Variants in CACNB2 observed in about 807,000 individuals in gnomAD.
The protein encoded by CACNB2 is voltage-dependent L-type calcium channel subunit beta-2.
In CACNB2, 42 loss-of-function variants were observed where a neutral mutation model predicts 73.3. The ratio of observed to expected loss-of-function variants is 0.57; its 90% CI spans 0.45 to 0.74. CACNB2 has a LOEUF of 0.74. CACNB2 is among the 30% of genes least tolerant of loss of function. The pLI is 0.00. For synonymous variants in CACNB2, 348 were observed against 310.3 expected (o/e 1.12, Z -1.28); for missense variants, 940 against 853.0 (o/e 1.10, Z -1.27).
intron 2 of CACNB2, among the ~76,000 whole-genome samples, chr10:18,369,684 A>C (rs759803227): frequency 6.6e-6 from 1 of 152,156 alleles, no homozygotes; most frequent in Non-Finnish European, 1.5e-5. Flanking sequence ...AGGCAGGCAG[A>C]TCACCTGAGA....
intron 2 of CACNB2, among the ~76,000 whole-genome samples, chr10:18,340,076 A>G (rs2041169230): frequency 6.6e-6 from 1 of 152,152 alleles, no homozygotes; most frequent in African/African-American, 2.4e-5. Flanking sequence ...TTATCTATTC[A>G]CGTCTTGTTT....
intron 2 of CACNB2, among the ~76,000 whole-genome samples, chr10:18,371,417 C>G (rs2042578492): frequency 6.6e-6 from 1 of 151,982 alleles, no homozygotes. Context: ...TCCATGTGTT[C>G]TCATTGTTCA....
chr10:18,355,735 C>G (rs1282650185), intron 2 of CACNB2, among the ~76,000 whole-genome samples: 1 of 150,850 alleles, frequency 6.6e-6, no homozygotes, highest in Non-Finnish European at 1.5e-5. Flanking sequence ...CTCCTGGGTT[C>G]AAGCAATTCT....
At chr10:18,262,059 T>A (rs1461549485) in intron 2 of CACNB2, 1 of 518,084 alleles carries the variant, frequency 1.9e-6, no homozygotes, top group Non-Finnish European at 3.9e-6. Context: ...TCAGGAAGGG[T>A]TGTAAAAGGG....
At chr10:18,478,241 A>G (rs987096291) in intron 3 of CACNB2, among the ~76,000 whole-genome samples, 1 of 151,976 alleles carries the variant, frequency 6.6e-6, no homozygotes, top group Non-Finnish European at 1.5e-5. Flanking sequence ...CGGAGTTTTT[A>G]TTTTCCTTTT....
At chr10:18,265,470 C>A (rs2037754410) in intron 2 of CACNB2, among the ~76,000 whole-genome samples, 1 of 152,080 alleles carries the variant, frequency 6.6e-6, no homozygotes, top group African/African-American at 2.4e-5. Flanking sequence ...GTTCAAGTAT[C>A]TTGCTTCTTT....
intron 6 of CACNB2, among the ~76,000 whole-genome samples, chr10:18,511,039 A>T (rs1269815247): frequency 2.0e-5 from 3 of 152,226 alleles, no homozygotes; most frequent in Admixed American, 6.5e-5. Context: ...TTCCTATATG[A>T]GCAAAGGATT....
At chr10:18,198,664 A>G (rs935854590) in intron 2 of CACNB2, among the ~76,000 whole-genome samples, 5 of 152,216 alleles carry the variant, frequency 3.3e-5, no homozygotes, top group Non-Finnish European at 7.3e-5. Flanking sequence ...CTTGGAAAGT[A>G]AAGCTGGGTT....
At chr10:18,335,826 TAC>T (rs2040984042) in intron 2 of CACNB2, among the ~76,000 whole-genome samples, 2 of 106,150 alleles carry the variant, frequency 1.9e-5, no homozygotes, top group Non-Finnish European at 4.1e-5. Context: ...CACACACACA[TAC>T]ACACACAGTT....
intron 2 of CACNB2, among the ~76,000 whole-genome samples, chr10:18,222,175 C>T (rs1317394873): frequency 6.6e-6 from 1 of 152,206 alleles, no homozygotes; most frequent in Non-Finnish European, 1.5e-5. Flanking sequence ...TAGATTGAAA[C>T]AGCAGCCTAC....
At chr10:18,268,579 G>T (rs556739971) in intron 2 of CACNB2, among the ~76,000 whole-genome samples, 1 of 152,266 alleles carries the variant, frequency 6.6e-6, no homozygotes, top group South Asian at 2.1e-4. Context: ...ATTTATATTG[G>T]TGTTTGCATG....
intron 1 of CACNB2, among the ~76,000 whole-genome samples, chr10:18,145,764 A>G (rs927172502): frequency 5.3e-5 from 8 of 152,188 alleles, no homozygotes; most frequent in African/African-American, 1.9e-4. Flanking sequence ...AATTGTAACA[A>G]TGCATTATTT....
At chr10:18,341,137 C>A (rs990076449) in intron 2 of CACNB2, among the ~76,000 whole-genome samples, 30 of 152,202 alleles carry the variant, frequency 2.0e-4, no homozygotes, top group Admixed American at 5.2e-4. Context: ...AGTGTTATTA[C>A]TTTAATGCTG....
At chr10:18,453,912 G>T (rs2047138311) in intron 3 of CACNB2, among the ~76,000 whole-genome samples, 1 of 152,220 alleles carries the variant, frequency 6.6e-6, no homozygotes. Context: ...TGGGATTACA[G>T]GTGTGAGCCA....
chr10:18,355,859 A>G (rs1175309339), intron 2 of CACNB2, among the ~76,000 whole-genome samples: 2 of 151,872 alleles, frequency 1.3e-5, no homozygotes, highest in Non-Finnish European at 2.9e-5. Flanking sequence ...ACTGGTCTTG[A>G]ACTCCTGGCC....
chr10:18,537,861 T>C (rs1340605824), intron 12 of CACNB2, among the ~76,000 whole-genome samples: 3 of 152,200 alleles, frequency 2.0e-5, no homozygotes, highest in Non-Finnish European at 4.4e-5. Flanking sequence ...TTCAAATATA[T>C]ATACATCTCT....
intron 3 of CACNB2, among the ~76,000 whole-genome samples, chr10:18,407,324 G>C (rs1342148457): frequency 1.3e-5 from 2 of 151,510 alleles, no homozygotes; most frequent in Non-Finnish European, 2.9e-5. Context: ...GTTTCTCCAT[G>C]TTTTCCAGGC....
In CACNB2 at chr10:18,540,972, A is replaced by AAAAT. The variant is rs1285671928; in HGVS notation, c.*1250_*1253dup. 6.5e-6 allele frequency: 1 copy of AAAAT among 152,680 alleles called. No homozygotes were observed. Among genetic ancestry groups the AAAAT allele is most frequent in the Non-Finnish European group, 1.5e-5 (1 of 68,056 alleles). The allele number at this position is 152,680 out of a possible 1,614,324, so 9.5% of individuals were successfully genotyped here. A position where few individuals can be genotyped will look rare whatever the true frequency, so the allele number is the denominator to read the frequency against. On this transcript the variant is annotated 3_prime_UTR_variant, in exon 14 of 14. Transcript: ENST00000324631. ...TCCTTGTTTTTGCTCCTAGAGAGTG[A>AAAAT]AAATACAGGCAATTTTACTGTGAGT...
At chr10:18,249,316 C>T (rs966612831) in intron 2 of CACNB2, among the ~76,000 whole-genome samples, 1 of 152,184 alleles carries the variant, frequency 6.6e-6, no homozygotes, top group Non-Finnish European at 1.5e-5. Flanking sequence ...GGACTTTGCT[C>T]CTACAATTAT....
Sources: gnomAD v4.1 joint callset for allele counts (sites outside exome capture counted in the v4.1 genomes callset) on GRCh38, gnomAD v4.1.1 for gene constraint, MANE v1.5 for transcripts, NCBI Gene and HGNC (gene_info 2026-07-23, HGNC 2026-07-21) for gene names.